Variants in HELLS observed in about 807,000 individuals in gnomAD.
HELLS encodes the protein lymphoid-specific helicase.
A neutral mutation model predicts 120.0 loss-of-function variants in HELLS; 32 were observed. The observed-to-expected ratio is 0.27, with a 90% CI of 0.20 to 0.36. HELLS has a LOEUF of 0.36. HELLS is among the 10% of genes least tolerant of loss of function. HELLS has a pLI of 1.00. For synonymous variants in HELLS, 341 were observed against 323.4 expected (o/e 1.05, Z -0.58); for missense variants, 650 against 993.4 (o/e 0.65, Z 4.65).
intron 6 of HELLS, among the ~76,000 whole-genome samples, chr10:94,566,419 A>G (rs1212662234): frequency 6.6e-6 from 1 of 152,222 alleles, no homozygotes; most frequent in African/African-American, 2.4e-5. Context: ...AGAGACTGGC[A>G]GTTTCAAAAA....
At chr10:94,573,005 G>C (rs953768675) in intron 7 of HELLS, among the ~76,000 whole-genome samples, 9 of 152,028 alleles carry the variant, frequency 5.9e-5, no homozygotes, top group Non-Finnish European at 8.8e-5. Context: ...TGTCGCCCAG[G>C]CTGGAGTGCA....
Position 94,574,088 on chromosome 10 carries a change from C to T in HELLS, c.606C>T (p.Val202=). 6.2e-7 allele frequency: 1 copy of T among 1,613,812 alleles called. No individual in the cohort carries two copies. Among genetic ancestry groups the T allele is most frequent in the Non-Finnish European group, 8.5e-7 (1 of 1,179,812 alleles). ...ATACTAAATTCTTTTTTGACCCAGT[C>T]CGGAAGTGTAATGGTCAGCCAGTAC... ...RQNTKFFFDP[V]RKCNGQPVPF... Residue 202 remains valine, a synonymous_variant, in exon 8 of 22, where the codon GTC becomes GTT. Transcript: ENST00000348459.
chr10:94,546,372 G>C lies in HELLS; in HGVS notation c.32-5G>C. On this transcript the variant is annotated splice_polypyrimidine_tract_variant and splice_region_variant and intron_variant, in intron 1 of 21. Coordinates refer to ENST00000348459, the MANE Select transcript of HELLS (RefSeq NM_018063.5). Reference sequence around the variant, plus strand: ...CTGCAATTTGAAAGCTTTCTCCCCCGTCAGGCTCGGAGGCTCCAGCAATGG... The same window carrying C: ...CTGCAATTTGAAAGCTTTCTCCCCCCTCAGGCTCGGAGGCTCCAGCAATGG... 2 of 1,614,028 alleles carry C rather than the reference G, an allele frequency of 1.2e-6. No individual in the cohort carries two copies. The highest frequency in any genetic ancestry group is 1.7e-6 in the Non-Finnish European group (2 of 1,179,998).
intron 2 of HELLS, among the ~76,000 whole-genome samples, chr10:94,553,603 G>A (rs1843092281): frequency 7.3e-6 from 1 of 137,744 alleles, no homozygotes; most frequent in South Asian, 2.3e-4. Flanking sequence ...TTGGAGTGCA[G>A]TGGCATGATC....
downstream of HELLS, among the ~76,000 whole-genome samples, chr10:94,603,559 G>C (rs1453549739): frequency 6.6e-6 from 1 of 152,062 alleles, no homozygotes; most frequent in Admixed American, 6.5e-5. Flanking sequence ...AACTGTGCTG[G>C]TGACTCAAAT....
At chr10:94,593,948 A>G (rs1341043912) in intron 18 of HELLS, among the ~76,000 whole-genome samples, 1 of 147,234 alleles carries the variant, frequency 6.8e-6, no homozygotes, top group African/African-American at 2.5e-5. Context: ...GGCTTGAGCC[A>G]CCACACCCAG....
At chr10:94,558,078 T>A (rs534957603) in intron 3 of HELLS, 61 bp from the exon 4 acceptor site, 1 of 1,526,946 alleles carries the variant, frequency 6.5e-7, no homozygotes, top group East Asian at 2.4e-5. Context: ...AGAATTGATA[T>A]GCGTTTTTTT....
chr10:94,587,203 T>G (rs1446070243), intron 12 of HELLS, among the ~76,000 whole-genome samples: 1 of 152,174 alleles, frequency 6.6e-6, no homozygotes, highest in East Asian at 1.9e-4. Context: ...CTAGGTCAGC[T>G]GGCTTTTTAC....
chr10:94,600,836 GA>G (rs1358530810), intron 21 of HELLS, among the ~76,000 whole-genome samples: 18 of 152,014 alleles, frequency 1.2e-4, no homozygotes, highest in African/African-American at 4.3e-4. Flanking sequence ...ACATTAATAG[GA>G]AAGACTACTA....
At chr10:94,592,593 G>A in intron 17 of HELLS, 79 bp downstream of exon 17, 1 of 962,364 alleles carries the variant, frequency 1.0e-6, no homozygotes. Context: ...ATTCCAAATA[G>A]ACCCACAAAT....
chr10:94,569,410 C>T (rs1589725260), intron 6 of HELLS: 2 of 151,846 alleles, frequency 1.3e-5, no homozygotes, highest in African/African-American at 4.8e-5. Flanking sequence ...TCTCAAACTC[C>T]TGACCTTGTG....
chr10:94,568,895 G>A (rs1373268123), intron 6 of HELLS, among the ~76,000 whole-genome samples: 1 of 151,190 alleles, frequency 6.6e-6, no homozygotes, highest in South Asian at 2.1e-4. Flanking sequence ...AGGCTGGAGT[G>A]CAGTGGCATG....
chr10:94,581,654 A>G lies in HELLS; in HGVS notation c.1229+132A>G, dbSNP rs545344878. On this transcript the variant is annotated intron_variant, in intron 11 of 21. Coordinates refer to ENST00000348459, the MANE Select transcript of HELLS (RefSeq NM_018063.5). ...CTTTGTGGTGTATATTGTATGTTCT[A>G]CTCCTGCCACAAATTATGTGAGAGC... 20 of 541,488 alleles carry G rather than the reference A, an allele frequency of 3.7e-5. No homozygotes were observed. In the African/African-American group the frequency reaches 3.8e-4, roughly 10 times the overall value. 33.5% of individuals were successfully genotyped at this position (541,488 alleles called of 1,614,324 possible).
At chr10:94,557,895 G>C (rs893313121) in intron 3 of HELLS, among the ~76,000 whole-genome samples, 18 of 152,148 alleles carry the variant, frequency 1.2e-4, no homozygotes, top group African/African-American at 4.3e-4. Context: ...TTTACAGTCC[G>C]TTACTGCATG....
intron 4 of HELLS, among the ~76,000 whole-genome samples, chr10:94,561,371 ATTTAATATATCCT>A (rs1237230713): frequency 6.6e-6 from 1 of 152,214 alleles, no homozygotes; most frequent in Non-Finnish European, 1.5e-5. Context: ...TAACCTGTTA[ATTTAATATATCCT>A]TCACTTTATT....
chr10:94,592,133 C>A, intron 15 of HELLS, 96 bp from the exon 16 acceptor site: 1 of 865,828 alleles, frequency 1.2e-6, no homozygotes, highest in Non-Finnish European at 1.8e-6. Flanking sequence ...TTTTAAGTGA[C>A]TTGGCTTTGA....
At chr10:94,582,416 G>C (rs2134082202) in intron 11 of HELLS, among the ~76,000 whole-genome samples, 1 of 152,114 alleles carries the variant, frequency 6.6e-6, no homozygotes, top group South Asian at 2.1e-4. Context: ...AATGTTACTA[G>C]CATTTTCCAG....
chr10:94,595,911 G>A (rs537272105), intron 19 of HELLS, among the ~76,000 whole-genome samples: 1 of 152,290 alleles, frequency 6.6e-6, no homozygotes, highest in Admixed American at 6.5e-5. Flanking sequence ...GGGTTTTGAG[G>A]TAAGAGTGTA....
rs370717310 is a variant in HELLS, at chr10:94,601,314, GTC to G, written c.2423-212_2423-211del. ...TGCTTTAGATTGTATGCTCCCAAGA[GTC>G]TGATTCTAGTTGTTGTATTAAGAAT... On this transcript the variant is annotated intron_variant, in intron 21 of 21. Coordinates refer to ENST00000348459, the MANE Select transcript of HELLS (RefSeq NM_018063.5). Among the ~76,000 whole-genome samples the G allele has an allele frequency of 1.4e-4, 22 of 152,202 alleles. No homozygotes were observed. The East Asian group carries it at 3.3e-3, about 23-fold the overall frequency.
Sources: gnomAD v4.1 joint callset for allele counts (sites outside exome capture counted in the v4.1 genomes callset) on GRCh38, gnomAD v4.1.1 for gene constraint, MANE v1.5 for transcripts, NCBI Gene and HGNC (gene_info 2026-07-23, HGNC 2026-07-21) for gene names.